Variants in SAMD5 observed in about 807,000 individuals in gnomAD.
The protein encoded by SAMD5 is sterile alpha motif domain-containing protein 5.
In SAMD5, 13 loss-of-function variants were observed where a neutral mutation model predicts 11.3. The ratio of observed to expected loss-of-function variants is 1.15; its 90% CI spans 0.75 to 1.83. SAMD5 has a LOEUF of 1.83. SAMD5 is among the 40% of genes most tolerant of loss of function. The pLI is 0.00. For synonymous variants in SAMD5, 129 were observed against 111.3 expected (o/e 1.16, Z -1.00); for missense variants, 255 against 239.1 (o/e 1.07, Z -0.44).
chr6:147,761,310 G>C, the SAMD5 span, among the ~76,000 whole-genome samples: 1 of 152,016 alleles, frequency 6.6e-6, no homozygotes, highest in Admixed American at 6.5e-5. Flanking sequence ...TCGTGAACTT[G>C]CTTATTGGAA....
chr6:147,810,376 T>C, the SAMD5 span, among the ~76,000 whole-genome samples: 90 of 152,292 alleles, frequency 5.9e-4, 1 homozygote, highest in African/African-American at 2.1e-3. Flanking sequence ...ATTGGTCCTT[T>C]TAGTTCCAAC....
chr6:147,831,029 C>A, the SAMD5 span, among the ~76,000 whole-genome samples: 19 of 152,148 alleles, frequency 1.2e-4, 1 homozygote, highest in Admixed American at 1.2e-3. Context: ...CCCTGGCACA[C>A]GTAAGAGGAA....
chr6:147,573,558 G>A (rs1162250147), downstream of SAMD5, among the ~76,000 whole-genome samples: 1 of 152,204 alleles, frequency 6.6e-6, no homozygotes, highest in African/African-American at 2.4e-5. Context: ...GGGACACACA[G>A]CCAAACTATG....
intron 1 of SAMD5, among the ~76,000 whole-genome samples, chr6:147,643,382 GA>G (rs929591132): frequency 2.0e-5 from 3 of 151,878 alleles, no homozygotes; most frequent in Admixed American, 6.6e-5. Context: ...TTAAAAAGGG[GA>G]AAAAAACAAC....
intron 1 of SAMD5, among the ~76,000 whole-genome samples, chr6:147,606,303 T>A (rs1333634301): frequency 6.6e-6 from 1 of 152,114 alleles, no homozygotes; most frequent in Non-Finnish European, 1.5e-5. Context: ...AAGTGATCTT[T>A]TGTTGTTGTT....
intron 1 of SAMD5, among the ~76,000 whole-genome samples, chr6:147,615,457 T>A (rs904461801): frequency 6.6e-6 from 1 of 152,180 alleles, no homozygotes; most frequent in Non-Finnish European, 1.5e-5. Context: ...CTGATAATAT[T>A]TGTCTCATGC....
At chr6:147,937,460 A>T in the SAMD5 span, among the ~76,000 whole-genome samples, 1 of 152,034 alleles carries the variant, frequency 6.6e-6, no homozygotes, top group Non-Finnish European at 1.5e-5. Flanking sequence ...TTAGATAGGG[A>T]CTCTCTTTAG....
intron 1 of SAMD5, among the ~76,000 whole-genome samples, chr6:147,588,840 A>C (rs1223414947): frequency 6.6e-6 from 1 of 152,114 alleles, no homozygotes; most frequent in Non-Finnish European, 1.5e-5. Flanking sequence ...TTTTCAATTC[A>C]TGTATTGAGT....
At chr6:147,626,790 T>A (rs1294677415) in intron 1 of SAMD5, among the ~76,000 whole-genome samples, 1 of 18,968 alleles carries the variant, frequency 5.3e-5, no homozygotes. Flanking sequence ...ACTGTTTCTA[T>A]GAAAAAAAAA....
At chr6:147,885,269 G>C in the SAMD5 span, among the ~76,000 whole-genome samples, 1 of 151,972 alleles carries the variant, frequency 6.6e-6, no homozygotes, top group Non-Finnish European at 1.5e-5. Flanking sequence ...GACCAGCATG[G>C]GCAACATAGC....
At chr6:147,940,913 G>A in the SAMD5 span, among the ~76,000 whole-genome samples, 1 of 152,084 alleles carries the variant, frequency 6.6e-6, no homozygotes, top group Non-Finnish European at 1.5e-5. Flanking sequence ...AGTGAGCCGA[G>A]ATTGCGCCAT....
intron 1 of SAMD5, among the ~76,000 whole-genome samples, chr6:147,673,445 C>T (rs1790822937): frequency 6.6e-6 from 1 of 152,096 alleles, no homozygotes; most frequent in Non-Finnish European, 1.5e-5. Flanking sequence ...GATCGCCTGA[C>T]CTCTTGATCC....
the SAMD5 span, among the ~76,000 whole-genome samples, chr6:147,886,219 C>T: frequency 6.6e-6 from 1 of 152,118 alleles, no homozygotes; most frequent in Non-Finnish European, 1.5e-5. Flanking sequence ...TCTATACACT[C>T]AGCTCTGCCG....
At position 147,569,888 on chromosome 6, in the gene SAMD5, T is replaced by A. The variant is rs1345673815; in HGVS notation, c.*5432T>A. ...TTTCCCTTTCAGTTATTATTTTTTTTAAAGGACGTTATGAGAAGGCACTAT... is the reference window on the plus strand; with the variant it reads ...TTTCCCTTTCAGTTATTATTTTTTTAAAAGGACGTTATGAGAAGGCACTAT... On this transcript the variant is annotated 3_prime_UTR_variant, in exon 2 of 2. Transcript: ENST00000367474. The A allele has an allele frequency of 2.0e-6, 2 of 984,960 alleles. No homozygotes were observed. The highest frequency in any genetic ancestry group is 2.4e-6 in the Non-Finnish European group (2 of 829,620). 61.0% of individuals were successfully genotyped at this position (984,960 alleles called of 1,614,324 possible).
chr6:147,789,368 A>G, the SAMD5 span, among the ~76,000 whole-genome samples: 1 of 152,082 alleles, frequency 6.6e-6, no homozygotes, highest in Non-Finnish European at 1.5e-5. Context: ...GGTAAGTGCC[A>G]TAACTTTATA....
In SAMD5 at chr6:147,509,102, C is replaced by T. The variant is rs778770526; in HGVS notation, c.174C>T (p.Ala58=). 2 of 1,587,848 alleles carry T rather than the reference C, an allele frequency of 1.3e-6. No individual in the cohort carries two copies. The highest frequency in any genetic ancestry group is 1.4e-5 in the African/African-American group (1 of 73,258). Residue 58 remains alanine, a synonymous_variant, in exon 1 of 2, where the codon GCC becomes GCT. Coordinates refer to ENST00000367474, the MANE Select transcript of SAMD5 (RefSeq NM_001030060.3). ...CGCACCGCCGCCGTATCCTGGAGGC[C>T]GTGCGCCGGCTGCGGGAGCAGGACG... is the stretch of plus-strand genomic sequence containing the variant. ...APAHRRRILE[A]VRRLREQDAN...
chr6:147,929,350 G>T, the SAMD5 span, among the ~76,000 whole-genome samples: 1 of 152,114 alleles, frequency 6.6e-6, no homozygotes, highest in Admixed American at 6.6e-5. Context: ...ATAATGGTTG[G>T]CCAAGACAGC....
the SAMD5 span, chr6:147,953,273 C>G: frequency 2.6e-5 from 4 of 151,992 alleles, no homozygotes; most frequent in South Asian, 4.2e-4. Context: ...GTTTATTCAG[C>G]TACAATTTCT....
chr6:147,938,565 G>A, the SAMD5 span, among the ~76,000 whole-genome samples: 1 of 152,210 alleles, frequency 6.6e-6, no homozygotes, highest in Non-Finnish European at 1.5e-5. Flanking sequence ...TCGCTGGGCT[G>A]AGAACAGCCC....
Sources: gnomAD v4.1 joint callset for allele counts (sites outside exome capture counted in the v4.1 genomes callset) on GRCh38, gnomAD v4.1.1 for gene constraint, MANE v1.5 for transcripts, NCBI Gene and HGNC (gene_info 2026-07-23, HGNC 2026-07-21) for gene names.